Variants in CDH12 observed in about 807,000 individuals in gnomAD.
CDH12 encodes cadherin 12.
Under a neutral mutation model 74.1 loss-of-function variants are expected in CDH12, and 41 were observed. That is an observed-to-expected ratio of 0.55 (90% CI 0.43 to 0.72). CDH12 has a LOEUF of 0.72. Among genes scored for constraint, CDH12 ranks in the 30% least tolerant of loss-of-function variants. The pLI is 0.00. For synonymous variants in CDH12, 399 were observed against 355.0 expected, an observed-to-expected ratio of 1.12 and a Z score of -1.39; for missense variants, 945 against 977.2, an observed-to-expected ratio of 0.97 and a Z score of 0.44.
intron 2 of CDH12, among the ~76,000 whole-genome samples, chr5:22,427,959 T>C (rs753113995): frequency 2.9e-4 from 44 of 152,294 alleles, no homozygotes; most frequent in Non-Finnish European, 4.9e-4. Context: ...GAAGGTTCTA[T>C]TACTATAAAA....
intron 1 of CDH12, among the ~76,000 whole-genome samples, chr5:22,584,474 T>C (rs555097887): frequency 1.6e-4 from 25 of 152,220 alleles, no homozygotes; most frequent in Non-Finnish European, 3.4e-4. Context: ...ATTTTTATTG[T>C]TTGCCATTTA....
At chr5:22,651,360 A>T (rs1739726223) in intron 1 of CDH12, among the ~76,000 whole-genome samples, 1 of 152,010 alleles carries the variant, frequency 6.6e-6, no homozygotes, top group Non-Finnish European at 1.5e-5. Flanking sequence ...AGGAAGGGGG[A>T]GGCTTAATAG....
chr5:22,401,164 T>C (rs1488376502), intron 3 of CDH12, among the ~76,000 whole-genome samples: 1 of 152,184 alleles, frequency 6.6e-6, no homozygotes, highest in Non-Finnish European at 1.5e-5. Flanking sequence ...TTTCTGATTC[T>C]TTCGGACACC....
chr5:22,840,105 C>CT (rs1195353168), intron 1 of CDH12, among the ~76,000 whole-genome samples: 1 of 151,922 alleles, frequency 6.6e-6, no homozygotes, highest in Non-Finnish European at 1.5e-5. Flanking sequence ...TTTTTAAAAT[C>CT]TTTTTCTTTT....
chr5:22,022,457 T>C (rs1188679150), intron 5 of CDH12, among the ~76,000 whole-genome samples: 2 of 152,154 alleles, frequency 1.3e-5, no homozygotes, highest in Admixed American at 1.3e-4. Flanking sequence ...TTCGTATAGC[T>C]TGTGGAACTG....
At chr5:21,940,435 G>C (rs1001839670) in intron 6 of CDH12, among the ~76,000 whole-genome samples, 6 of 152,026 alleles carry the variant, frequency 3.9e-5, no homozygotes, top group South Asian at 2.1e-4. Flanking sequence ...CATAATTGTG[G>C]AAATACTACT....
intron 3 of CDH12, among the ~76,000 whole-genome samples, chr5:22,387,348 C>T (rs1021649833): frequency 3.3e-5 from 5 of 151,944 alleles, no homozygotes; most frequent in African/African-American, 1.2e-4. Flanking sequence ...AAAATAAATT[C>T]TCTGTAACTA....
chr5:22,348,305 G>A (rs2150461852), intron 3 of CDH12, among the ~76,000 whole-genome samples: 1 of 152,320 alleles, frequency 6.6e-6, no homozygotes, highest in East Asian at 1.9e-4. Flanking sequence ...AACCCTTAGT[G>A]GTAGCAGAGA....
intron 1 of CDH12, among the ~76,000 whole-genome samples, chr5:22,600,783 TG>T (rs1736821868): frequency 6.6e-6 from 1 of 152,088 alleles, no homozygotes. Flanking sequence ...TGGAATAAGC[TG>T]AGGGTCCATT....
At chr5:22,551,293 G>A (rs1328932590) in intron 1 of CDH12, among the ~76,000 whole-genome samples, 1 of 152,112 alleles carries the variant, frequency 6.6e-6, no homozygotes, top group Non-Finnish European at 1.5e-5. Flanking sequence ...CAATCTTCTG[G>A]CACCTTGGTC....
chr5:22,500,891 A>G (rs574461659), intron 2 of CDH12, among the ~76,000 whole-genome samples: 76 of 152,238 alleles, frequency 5.0e-4, no homozygotes, highest in African/African-American at 1.7e-3. Context: ...ACCATAACCA[A>G]GAATTCTCTT....
chr5:22,813,729 C>G lies in CDH12; in HGVS notation c.-523+39329G>C, dbSNP rs575876202. Among the ~76,000 whole-genome samples, 15 of 152,150 alleles carry G rather than the reference C, an allele frequency of 9.9e-5. 1 individual carries two copies. In the South Asian group the frequency reaches 3.1e-3, roughly 32 times the overall value. On this transcript the variant is annotated intron_variant, in intron 1 of 14. Coordinates refer to ENST00000382254, the MANE Select transcript of CDH12 (RefSeq NM_004061.5). ...GGGCAGACTCTAGGCAACTGCTCAA[C>G]TGCAAAAAAACTAAGGCCCTAAACC...
chr5:22,627,234 A>G (rs752014650), intron 1 of CDH12, among the ~76,000 whole-genome samples: 1 of 152,182 alleles, frequency 6.6e-6, no homozygotes, highest in Non-Finnish European at 1.5e-5. Flanking sequence ...CAGCAAATCC[A>G]GAGAACCTCT....
At chr5:22,717,821 T>A (rs973546112) in intron 1 of CDH12, among the ~76,000 whole-genome samples, 49 of 152,096 alleles carry the variant, frequency 3.2e-4, no homozygotes, top group Non-Finnish European at 2.6e-4. Context: ...CCTGCCAAGA[T>A]TAGAGAGAAA....
At chr5:21,870,097 G>C (rs993583109) in intron 6 of CDH12, among the ~76,000 whole-genome samples, 1 of 152,118 alleles carries the variant, frequency 6.6e-6, no homozygotes, top group South Asian at 2.1e-4. Flanking sequence ...TCACCTACGG[G>C]CATCCATGTA....
At chr5:22,648,541 G>A (rs1381777258) in intron 1 of CDH12, among the ~76,000 whole-genome samples, 1 of 151,738 alleles carries the variant, frequency 6.6e-6, no homozygotes, top group Non-Finnish European at 1.5e-5. Flanking sequence ...AGATATCTAA[G>A]TTCTCTACCG....
intron 4 of CDH12, among the ~76,000 whole-genome samples, chr5:22,112,081 A>C (rs1020564758): frequency 7.7e-6 from 1 of 130,632 alleles, no homozygotes; most frequent in African/African-American, 2.9e-5. Flanking sequence ...AGGTAAATTA[A>C]ACTGCTCTGC....
chr5:22,330,323 AC>A (rs961334092), intron 3 of CDH12, among the ~76,000 whole-genome samples: 11 of 151,840 alleles, frequency 7.2e-5, no homozygotes, highest in East Asian at 3.9e-4. Context: ...TGACTAAAGA[AC>A]CCTTGGGCCC....
intron 6 of CDH12, among the ~76,000 whole-genome samples, chr5:21,886,344 T>C (rs1752628824): frequency 6.6e-6 from 1 of 151,718 alleles, no homozygotes; most frequent in Non-Finnish European, 1.5e-5. Context: ...CTGTAGCTTG[T>C]ATGCTTAGAT....
Sources: allele counts gnomAD v4.1 joint callset (sites outside exome capture counted in the v4.1 genomes callset), GRCh38; gene constraint gnomAD v4.1.1; transcripts MANE v1.5; gene names NCBI Gene and HGNC (gene_info 2026-07-23, HGNC 2026-07-21).